The following CEP55 variants were observed in gnomAD, a reference collection of about 807,000 sequenced individuals.
CEP55 encodes the protein centrosomal protein 55, also known as centrosomal protein of 55 kDa.
CEP55 carries 57 observed loss-of-function variants against 63.2 expected under a neutral mutation model. That is an observed-to-expected ratio of 0.90 (90% CI 0.73 to 1.13). The LOEUF is 1.13. CEP55 is among the 50% of genes most tolerant of loss of function. CEP55 has a pLI of 0.00. For missense variants in CEP55, 456 were observed against 518.9 expected (o/e 0.88, Z 1.18); for synonymous variants, 178 against 191.6 (o/e 0.93, Z 0.59).
intron 8 of CEP55, among the ~76,000 whole-genome samples, chr10:93,526,528 A>G (rs1437679261): frequency 1.3e-5 from 2 of 152,194 alleles, no homozygotes; most frequent in Non-Finnish European, 1.5e-5. Context: ...TCAGTGTGGC[A>G]ATTCCTCAGG....
At chr10:93,498,152 A>G (rs1010717947) in intron 1 of CEP55, among the ~76,000 whole-genome samples, 64 of 150,836 alleles carry the variant, frequency 4.2e-4, no homozygotes, top group African/African-American at 1.2e-3. Context: ...CAAAAAAAAA[A>G]AGAAAGAAAC....
In CEP55 at chr10:93,511,966, C is replaced by T. The variant is rs182796796; in HGVS notation, c.529-3439C>T. ...AAAATTGGGCTGGCGCAGTGGCTCACGTCTGTAATTCCAGCATTTTGGGAG... is the reference window on the plus strand; with the variant it reads ...AAAATTGGGCTGGCGCAGTGGCTCATGTCTGTAATTCCAGCATTTTGGGAG... On this transcript the variant is annotated intron_variant, in intron 4 of 8. Coordinates refer to ENST00000371485, the MANE Select transcript of CEP55 (RefSeq NM_018131.5). Among the ~76,000 whole-genome samples, 679 of 151,758 alleles carry T rather than the reference C, an allele frequency of 4.5e-3. 6 individuals carry two copies. The highest frequency in any genetic ancestry group is 0.017 in the Middle Eastern group (5 of 294).
chr10:93,506,402 T>G (rs2057689160), intron 3 of CEP55, among the ~76,000 whole-genome samples: 1 of 152,224 alleles, frequency 6.6e-6, no homozygotes, highest in Non-Finnish European at 1.5e-5. Flanking sequence ...CTGAGGGCTA[T>G]TCTGGCAATC....
intron 1 of CEP55, among the ~76,000 whole-genome samples, chr10:93,499,478 A>G (rs2057608281): frequency 6.6e-6 from 1 of 151,584 alleles, no homozygotes; most frequent in African/African-American, 2.4e-5. Flanking sequence ...ATATAATTAC[A>G]CATATAGAAC....
At chr10:93,511,939 A>C (rs1450780737) in intron 4 of CEP55, among the ~76,000 whole-genome samples, 1 of 151,876 alleles carries the variant, frequency 6.6e-6, no homozygotes, top group Non-Finnish European at 1.5e-5. Flanking sequence ...AATAAATAAA[A>C]TAAAATTGGG....
At chr10:93,517,577 G>A (rs2057817800) in intron 6 of CEP55, among the ~76,000 whole-genome samples, 1 of 152,208 alleles carries the variant, frequency 6.6e-6, no homozygotes, top group African/African-American at 2.4e-5. Flanking sequence ...GGCTCTGAGT[G>A]AGGAGGAGGT....
intron 8 of CEP55, among the ~76,000 whole-genome samples, chr10:93,526,635 G>GT (rs1036277331): frequency 3.3e-5 from 5 of 152,264 alleles, no homozygotes; most frequent in Middle Eastern, 3.4e-3. Context: ...ACATGCACAC[G>GT]TATGTTTATT....
At position 93,511,057 on chromosome 10, in the gene CEP55, G is replaced by T. The variant is rs898990976; in HGVS notation, c.528+4001G>T. 6.0e-5 allele frequency among the ~76,000 whole-genome samples: 9 copies of T among 150,914 alleles called. No individual in the cohort carries two copies. The East Asian group carries it at 1.8e-3, about 30-fold the overall frequency. On this transcript the variant is annotated intron_variant, in intron 4 of 8. Transcript: ENST00000371485. ...TGGTTCAAGCGATTCTTCTGCCTCA[G>T]CCTCCAGAGTAGCTGGGATTACAGG... is the stretch of plus-strand genomic sequence containing the variant.
chr10:93,508,935 T>C lies in CEP55; in HGVS notation c.528+1879T>C, dbSNP rs75914868. On this transcript the variant is annotated intron_variant, in intron 4 of 8. Coordinates refer to ENST00000371485, the MANE Select transcript of CEP55 (RefSeq NM_018131.5). ...TTAATGTTCAACCTTTCCATCAGAATAGAAGTCATATGAAGGAAGGATTTT... is the reference window on the plus strand; with the variant it reads ...TTAATGTTCAACCTTTCCATCAGAACAGAAGTCATATGAAGGAAGGATTTT... 4.3e-3 allele frequency among the ~76,000 whole-genome samples: 648 copies of C among 152,348 alleles called. 5 individuals are homozygous for C. Among genetic ancestry groups the C allele is most frequent in the African/African-American group, 0.015 (606 of 41,592 alleles).
At chr10:93,519,641 T>C (rs371160137) in intron 7 of CEP55, 41 bp from the exon 8 acceptor site, 1 of 1,605,736 alleles carries the variant, frequency 6.2e-7, no homozygotes, top group Non-Finnish European at 8.5e-7. Context: ...AACTAGACAG[T>C]CTGTATCAGC....
chr10:93,516,528 G>C (rs7908943), intron 5 of CEP55, among the ~76,000 whole-genome samples: 1,875 of 152,160 alleles, frequency 0.012, 42 homozygotes, highest in African/African-American at 0.043. Context: ...TTAGAATAAT[G>C]TAATAGTTAA....
chr10:93,508,438 T>C (rs2134467058), intron 4 of CEP55, among the ~76,000 whole-genome samples: 1 of 152,364 alleles, frequency 6.6e-6, no homozygotes, highest in Non-Finnish European at 1.5e-5. Flanking sequence ...CCTGGATGTC[T>C]AGCCAGGTGC....
chr10:93,520,098 A>G, intron 8 of CEP55: 1 of 404,626 alleles, frequency 2.5e-6, no homozygotes, highest in Non-Finnish European at 4.6e-6. Context: ...GAGGGTAGTC[A>G]CAGAATCCTG....
At chr10:93,519,176 C>G (rs2057832461) in intron 7 of CEP55, 1 of 471,820 alleles carries the variant, frequency 2.1e-6, no homozygotes, top group Non-Finnish European at 3.8e-6. Context: ...GGTGTGATGG[C>G]AGTTTTCTTG....
At position 93,515,636 on chromosome 10, in the gene CEP55, A is replaced by G; in HGVS notation, c.679+81A>G. 4 of 1,376,044 alleles carry G rather than the reference A, an allele frequency of 2.9e-6. No individual in the cohort carries two copies. In the South Asian group the frequency reaches 4.6e-5, roughly 16 times the overall value. The allele number at this position is 1,376,044 out of a possible 1,614,324, so 85.2% of individuals were successfully genotyped here. A position where few individuals can be genotyped will look rare whatever the true frequency, so the allele number is the denominator to read the frequency against. On this transcript the variant is annotated intron_variant, in intron 5 of 8. Transcript: ENST00000371485. Reference sequence around the variant, plus strand: ...AATGATTCATCAAATTTAGATTTTTATAGATATGTGTTAGAAAGTAAAATA... The same window carrying G: ...AATGATTCATCAAATTTAGATTTTTGTAGATATGTGTTAGAAAGTAAAATA...
chr10:93,525,425 C>T (rs1344816001), intron 8 of CEP55, among the ~76,000 whole-genome samples: 2 of 152,032 alleles, frequency 1.3e-5, no homozygotes, highest in Non-Finnish European at 1.5e-5. Flanking sequence ...CACTGCTCAA[C>T]AAAATAAAAG....
At chr10:93,520,026 C>G in intron 8 of CEP55, 2 of 562,358 alleles carry the variant, frequency 3.6e-6, no homozygotes, top group Non-Finnish European at 6.4e-6. Flanking sequence ...CCCAACTACC[C>G]CAGCTGCTGT....
At chr10:93,515,908 T>G (rs1324937156) in intron 5 of CEP55, among the ~76,000 whole-genome samples, 1 of 152,240 alleles carries the variant, frequency 6.6e-6, no homozygotes. Flanking sequence ...TCAGCACTTA[T>G]TCATATCAAC....
intron 5 of CEP55, among the ~76,000 whole-genome samples, chr10:93,516,574 C>T (rs1324475503): frequency 6.6e-6 from 1 of 152,104 alleles, no homozygotes; most frequent in Non-Finnish European, 1.5e-5. Flanking sequence ...TCCCAATCCC[C>T]GTTTCTTCCT....
Sources: gnomAD v4.1 joint callset for allele counts (sites outside exome capture counted in the v4.1 genomes callset) on GRCh38, gnomAD v4.1.1 for gene constraint, MANE v1.5 for transcripts, NCBI Gene and HGNC (gene_info 2026-07-23, HGNC 2026-07-21) for gene names.